P2RX2: variants seen among roughly 807,000 people sequenced by gnomAD.
P2RX2 encodes the protein purinergic receptor P2X 2, also known as P2X purinoceptor 2.
A neutral mutation model predicts 54.8 loss-of-function variants in P2RX2; 50 were observed. That is an observed-to-expected ratio of 0.91 (90% CI 0.73 to 1.15). The LOEUF is 1.15. Among genes scored for constraint, P2RX2 ranks in the 50% most tolerant of loss-of-function variants. P2RX2 has a pLI of 0.00. For synonymous variants in P2RX2, 289 were observed against 259.4 expected, an observed-to-expected ratio of 1.11 and a Z score of -1.09; for missense variants, 658 against 633.2, an observed-to-expected ratio of 1.04 and a Z score of -0.42.
chr12:132,619,513 A>G lies in P2RX2; in HGVS notation c.248A>G (p.Lys83Arg), dbSNP rs2041545663. 6.2e-7 allele frequency: 1 copy of G among 1,612,474 alleles called. No homozygotes were observed. Among genetic ancestry groups the G allele is most frequent in the African/African-American group, 1.3e-5 (1 of 74,824 alleles). The change falls in exon 2 of 11, where the codon AAG becomes AGG. Residue 83 changes from lysine to arginine, a missense_variant. Physicochemically the swap from Lys to Arg is conservative, Grantham distance 26 (BLOSUM62 2). Transcript: ENST00000643471. ...GPESSIITKV[K>R]GITTSEHKVW... ...GAGAGCTCCATCATCACCAAGGTCA[A>G]GGGGATCACCACGTCCGAGCACAAA...
rs1275937288 is a variant in P2RX2 at position 132,622,084 on chromosome 12, A to T, written c.*112A>T. ...CTCAGTAGCGGAGCATCTCCACGAA[A>T]CGGGGCACCACAGGATCCCTGTGCA... On this transcript the variant is annotated 3_prime_UTR_variant, in exon 11 of 11. Transcript: ENST00000643471. 4 of 1,546,102 alleles carry T rather than the reference A, an allele frequency of 2.6e-6. No individual in the cohort carries two copies. Among genetic ancestry groups the T allele is most frequent in the Non-Finnish European group, 3.5e-6 (4 of 1,151,876 alleles).
At position 132,620,506 on chromosome 12, in the gene P2RX2, G is replaced by C. The variant is rs1335122722; in HGVS notation, c.697G>C (p.Asp233His). Residue 233 changes from aspartate to histidine, a missense_variant, in exon 7 of 11, where the codon GAC becomes CAC. Physicochemically the swap from Asp to His is moderately conservative, Grantham distance 81. Coordinates refer to ENST00000643471, the MANE Select transcript of P2RX2 (RefSeq NM_170682.4). The part of the protein sequence containing the change: ...LKRCTFHEAS[D>H]LYCPIFKLGF... ...GCGCTGCACGTTCCACGAGGCCTCC[G>C]ACCTCTACTGCCCCATCTTCAAGCT... is the stretch of plus-strand genomic sequence containing the variant. 6.2e-7 allele frequency: 1 copy of C among 1,613,854 alleles called. No homozygotes were observed. Among genetic ancestry groups the C allele is most frequent in the South Asian group, 1.1e-5 (1 of 91,088 alleles).
chr12:132,621,335 T>G lies in P2RX2; in HGVS notation c.986T>G (p.Val329Gly). ...TACGGGATCCGCATTGACGTCATTG[T>G]GCATGGACAGGTGCCTGCACCTGCT... ...KAYGIRIDVI[V>G]HGQAGKFSLI... The change falls in exon 9 of 11, where the codon GTG (valine) becomes GGG (glycine). Residue 329 changes from valine to glycine, a missense_variant. Val to Gly is a moderately radical substitution (Grantham distance 109). Coordinates refer to ENST00000643471, the MANE Select transcript of P2RX2 (RefSeq NM_170682.4). 1 of 1,614,026 alleles carries G rather than the reference T, an allele frequency of 6.2e-7. No individual in the cohort carries two copies. Among genetic ancestry groups the G allele is most frequent in the South Asian group, 1.1e-5 (1 of 91,078 alleles).
At position 132,620,594 on chromosome 12, in the gene P2RX2, C is replaced by T. The variant is rs1194282128; in HGVS notation, c.774+11C>T. On this transcript the variant is annotated intron_variant, in intron 7 of 10. Coordinates refer to ENST00000643471, the MANE Select transcript of P2RX2 (RefSeq NM_170682.4). ...GAGCTCGCACACAAGGCAGGGCAAGCGCAGGCAGGGTGGGGCCAGGGTGGG... is the reference window on the plus strand; with the variant it reads ...GAGCTCGCACACAAGGCAGGGCAAGTGCAGGCAGGGTGGGGCCAGGGTGGG... 15 of 1,610,880 alleles carry T rather than the reference C, an allele frequency of 9.3e-6. No homozygotes were observed. Among genetic ancestry groups the T allele is most frequent in the Middle Eastern group, 3.3e-4 (2 of 6,032 alleles).
Position 132,622,346 on chromosome 12 carries a change from T to G in P2RX2, c.*374T>G. 2 of 509,872 alleles carry G rather than the reference T, an allele frequency of 3.9e-6. No homozygotes were observed. The highest frequency in any genetic ancestry group is 7.2e-5 in the East Asian group (1 of 13,850). The allele number at this position is 509,872 out of a possible 1,614,324, so 31.6% of individuals were successfully genotyped here. A position where few individuals can be genotyped will look rare whatever the true frequency, so the allele number is the denominator to read the frequency against. ...CTTGAATCTGCCCAGACTCTTCCCT[T>G]AGAAGTCACAACATACTCAGTCCAA... On this transcript the variant is annotated 3_prime_UTR_variant, in exon 11 of 11. Transcript: ENST00000643471.
chr12:132,620,508 C>T lies in P2RX2; in HGVS notation c.699C>T (p.Asp233=), dbSNP rs113782309. The T allele has an allele frequency of 1.2e-3, 1,992 of 1,614,036 alleles. 13 individuals carry two copies. The African/African-American group carries it at 0.016, about 13-fold the overall frequency. ...LKRCTFHEAS[D]LYCPIFKLGF... is the part of the protein sequence containing the mutation. Reference sequence around the variant, plus strand: ...GCTGCACGTTCCACGAGGCCTCCGACCTCTACTGCCCCATCTTCAAGCTGG... The same window carrying T: ...GCTGCACGTTCCACGAGGCCTCCGATCTCTACTGCCCCATCTTCAAGCTGG... The change falls in exon 7 of 11, where the codon GAC becomes GAT. Residue 233 remains aspartate (D), a synonymous_variant. Coordinates refer to ENST00000643471, the MANE Select transcript of P2RX2 (RefSeq NM_170682.4).
chr12:132,621,480 G>C lies in P2RX2; in HGVS notation c.1002G>C (p.Gly334=). 6.4e-7 allele frequency: 1 copy of C among 1,565,382 alleles called. No individual in the cohort carries two copies. The highest frequency in any genetic ancestry group is 8.7e-7 in the Non-Finnish European group (1 of 1,154,036). ...RIDVIVHGQA[G]KFSLIPTIIN... ...ACGACCCCCATTCTCCCCAGGCCGG[G>C]AAGTTCAGCCTGATTCCCACCATTA... The change falls in exon 10 of 11, where the codon GGG becomes GGC. Residue 334 remains glycine (G), a synonymous_variant. Transcript: ENST00000643471.
In P2RX2 at chr12:132,622,262, C is replaced by CT. The variant is rs1190055655; in HGVS notation, c.*291dup. 3.0e-6 allele frequency: 4 copies of CT among 1,336,420 alleles called. No homozygotes were observed. The Admixed American group carries it at 1.5e-4, about 48-fold the overall frequency. 82.8% of individuals were successfully genotyped at this position (1,336,420 alleles called of 1,614,324 possible). A position where few individuals can be genotyped will look rare whatever the true frequency, so the allele number is the denominator to read the frequency against. Reference sequence around the variant, plus strand: ...CAAGCCAGCTGAGCTCTGAGGGGCTCTGCTCCCGGTCTTGGGCCCTGGGAA... The same window carrying CT: ...CAAGCCAGCTGAGCTCTGAGGGGCTCTTGCTCCCGGTCTTGGGCCCTGGGAA... On this transcript the variant is annotated 3_prime_UTR_variant, in exon 11 of 11. Coordinates refer to ENST00000643471, the MANE Select transcript of P2RX2 (RefSeq NM_170682.4).
rs547753632 is a variant in P2RX2 at position 132,622,293 on chromosome 12, C to T, written c.*321C>T. The T allele has an allele frequency of 2.7e-6, 3 of 1,122,504 alleles. No homozygotes were observed. The African/African-American group carries it at 4.8e-5, about 18-fold the overall frequency. 69.5% of individuals were successfully genotyped at this position (1,122,504 alleles called of 1,614,324 possible). ...CCGGTCTTGGGCCCTGGGAACCCCACCCCACCCCACCCCACAGGCGTTGTA... is the reference window on the plus strand; with the variant it reads ...CCGGTCTTGGGCCCTGGGAACCCCATCCCACCCCACCCCACAGGCGTTGTA... On this transcript the variant is annotated 3_prime_UTR_variant, in exon 11 of 11. Transcript: ENST00000643471.
In P2RX2 at chr12:132,620,483, G is replaced by A. The variant is rs1042398570; in HGVS notation, c.674G>A (p.Arg225His). 2.5e-6 allele frequency: 4 copies of A among 1,614,008 alleles called. No homozygotes were observed. The highest frequency in any genetic ancestry group is 2.2e-5 in the East Asian group (1 of 44,874). Residue 225 changes from arginine (R) to histidine (H), a missense_variant, in exon 7 of 11, where the codon CGC (arginine) becomes CAC (histidine). Physicochemically the swap from Arg to His is conservative, Grantham distance 29 (BLOSUM62 0). Coordinates refer to ENST00000643471, the MANE Select transcript of P2RX2 (RefSeq NM_170682.4). ...GACCGCACAGACGGGTACCTGAAGC[G>A]CTGCACGTTCCACGAGGCCTCCGAC... is the stretch of plus-strand genomic sequence containing the variant. ...IADRTDGYLK[R>H]CTFHEASDLY...
At position 132,620,546 on chromosome 12, in the gene P2RX2, A is replaced by G. The variant is rs201299665; in HGVS notation, c.737A>G (p.Glu246Gly). The G allele has an allele frequency of 3.1e-6, 5 of 1,613,674 alleles. No homozygotes were observed. The highest frequency in any genetic ancestry group is 4.2e-6 in the Non-Finnish European group (5 of 1,179,940). ...CPIFKLGFIV[E>G]KAGESFTELA... ...ATCTTCAAGCTGGGCTTTATCGTGGAGAAGGCTGGGGAGAGCTTCACAGAG... is the reference window on the plus strand; with the variant it reads ...ATCTTCAAGCTGGGCTTTATCGTGGGGAAGGCTGGGGAGAGCTTCACAGAG... Residue 246 changes from glutamate to glycine, a missense_variant, in exon 7 of 11, where the codon GAG becomes GGG. Physicochemically the swap from Glu to Gly is moderately conservative, Grantham distance 98. Coordinates refer to ENST00000643471, the MANE Select transcript of P2RX2 (RefSeq NM_170682.4).
intron 4 of P2RX2, 35 bp downstream of exon 4, chr12:132,619,954 G>GGGGGGGGGGGGGGC: frequency 7.9e-7 from 1 of 1,262,190 alleles, no homozygotes; most frequent in Non-Finnish European, 1.1e-6. Context: ...GGCGGGTGGG[G>GGGGGGGGGGGGGGC]CAGGGCTGCG....
rs1278820297 is a variant in P2RX2, at chr12:132,621,337, C to T, written c.988C>T (p.His330Tyr). The change falls in exon 9 of 11, where the codon CAT becomes TAT. Residue 330 changes from histidine (H) to tyrosine (Y), a missense_variant. His to Tyr is a moderately conservative substitution (Grantham distance 83). Coordinates refer to ENST00000643471, the MANE Select transcript of P2RX2 (RefSeq NM_170682.4). ...AYGIRIDVIV[H>Y]GQAGKFSLIP... is the part of the protein sequence containing the mutation. Reference sequence around the variant, plus strand: ...CGGGATCCGCATTGACGTCATTGTGCATGGACAGGTGCCTGCACCTGCTGG... The same window carrying T: ...CGGGATCCGCATTGACGTCATTGTGTATGGACAGGTGCCTGCACCTGCTGG... 6.2e-7 allele frequency: 1 copy of T among 1,613,918 alleles called. No homozygotes were observed. The highest frequency in any genetic ancestry group is 8.5e-7 in the Non-Finnish European group (1 of 1,180,010).
Position 132,620,457 on chromosome 12 carries a change from C to T in P2RX2, c.648C>T (p.Ala216=), listed in dbSNP as rs199815935. The T allele has an allele frequency of 2.1e-4, 347 of 1,614,080 alleles. No individual in the cohort carries two copies. The highest frequency in any genetic ancestry group is 2.7e-4 in the Non-Finnish European group (317 of 1,180,012). ...GCCGCCTCCTCAGGGGCAACATCGCCGACCGCACAGACGGGTACCTGAAGC... is the reference window on the plus strand; with the variant it reads ...GCCGCCTCCTCAGGGGCAACATCGCTGACCGCACAGACGGGTACCTGAAGC... The part of the protein sequence containing the change: ...PKFHFSKGNI[A]DRTDGYLKRC... The change falls in exon 7 of 11, where the codon GCC becomes GCT. Residue 216 remains alanine, a synonymous_variant. Coordinates refer to ENST00000643471, the MANE Select transcript of P2RX2 (RefSeq NM_170682.4).
chr12:132,622,134 C>T lies in P2RX2; in HGVS notation c.*162C>T, dbSNP rs2041727420. 1.4e-6 allele frequency: 2 copies of T among 1,458,570 alleles called. No homozygotes were observed. The highest frequency in any genetic ancestry group is 1.8e-6 in the Non-Finnish European group (2 of 1,112,870). The allele number at this position is 1,458,570 out of a possible 1,614,324, so 90.4% of individuals were successfully genotyped here. On this transcript the variant is annotated 3_prime_UTR_variant, in exon 11 of 11. Transcript: ENST00000643471. ...AAGGGCTGGGGGCACGCTCTGGCCCCAGGCTTGTGCCCCACCCTGGCATAC... is the reference window on the plus strand; with the variant it reads ...AAGGGCTGGGGGCACGCTCTGGCCCTAGGCTTGTGCCCCACCCTGGCATAC...
chr12:132,618,956 C>T lies in P2RX2; in HGVS notation c.140C>T (p.Ala47Val). 1 of 1,304,750 alleles carries T rather than the reference C, an allele frequency of 7.7e-7. No individual in the cohort carries two copies. Among genetic ancestry groups the T allele is most frequent in the Non-Finnish European group, 9.8e-7 (1 of 1,017,270 alleles). The allele number at this position is 1,304,750 out of a possible 1,614,324, so 80.8% of individuals were successfully genotyped here. Residue 47 changes from alanine (A) to valine (V), a missense_variant, in exon 1 of 11, where the codon GCC becomes GTC. Coordinates refer to ENST00000643471, the MANE Select transcript of P2RX2 (RefSeq NM_170682.4). Reference protein sequence around the residue: ...RNRRLGVLYRAVQLLILLYFV... With the variant: ...RNRRLGVLYRVVQLLILLYFV... ...CGGCGCCTGGGGGTCCTGTACCGCGCCGTGCAGCTGCTCATCCTGCTCTAC... is the reference window on the plus strand; with the variant it reads ...CGGCGCCTGGGGGTCCTGTACCGCGTCGTGCAGCTGCTCATCCTGCTCTAC...
chr12:132,620,655 G>C, intron 7 of P2RX2, 72 bp downstream of exon 7: 1 of 1,503,074 alleles, frequency 6.7e-7, no homozygotes. Flanking sequence ...GGGTACAGGG[G>C]ACCAGTCCCT....
Position 132,622,229 on chromosome 12 carries a change from C to T in P2RX2, c.*257C>T. ...ACTTCCCATCACCTCTCACAGCCACCTGGAACCCAAGCCAGCTGAGCTCTG... is the reference window on the plus strand; with the variant it reads ...ACTTCCCATCACCTCTCACAGCCACTTGGAACCCAAGCCAGCTGAGCTCTG... On this transcript the variant is annotated 3_prime_UTR_variant, in exon 11 of 11. Coordinates refer to ENST00000643471, the MANE Select transcript of P2RX2 (RefSeq NM_170682.4). 2.9e-6 allele frequency: 4 copies of T among 1,383,108 alleles called. No homozygotes were observed. Among genetic ancestry groups the T allele is most frequent in the African/African-American group, 1.5e-5 (1 of 68,116 alleles). The allele number at this position is 1,383,108 out of a possible 1,614,324, so 85.7% of individuals were successfully genotyped here.
In P2RX2 at chr12:132,619,504, C is replaced by T; in HGVS notation, c.239C>T (p.Thr80Ile). Residue 80 changes from threonine (T) to isoleucine (I), a missense_variant, in exon 2 of 11, where the codon ACC (threonine) becomes ATC (isoleucine). Physicochemically the swap from Thr to Ile is moderately conservative, Grantham distance 89. Coordinates refer to ENST00000643471, the MANE Select transcript of P2RX2 (RefSeq NM_170682.4). ...SETGPESSII[T>I]KVKGITTSEH... ...ACGGGCCCCGAGAGCTCCATCATCACCAAGGTCAAGGGGATCACCACGTCC... is the reference window on the plus strand; with the variant it reads ...ACGGGCCCCGAGAGCTCCATCATCATCAAGGTCAAGGGGATCACCACGTCC... The T allele has an allele frequency of 1.2e-6, 2 of 1,612,794 alleles. No homozygotes were observed. The highest frequency in any genetic ancestry group is 1.7e-6 in the Non-Finnish European group (2 of 1,179,474).
Sources: allele counts gnomAD v4.1 joint callset, GRCh38; gene constraint gnomAD v4.1.1; transcripts MANE v1.5; gene names NCBI Gene and HGNC (gene_info 2026-07-23, HGNC 2026-07-21).